Variants in BNC2 observed in about 807,000 individuals in gnomAD.
BNC2 encodes basonuclin zinc finger protein 2.
Under a neutral mutation model 76.3 loss-of-function variants are expected in BNC2, and 20 were observed. The ratio of observed to expected loss-of-function variants is 0.26; its 90% confidence interval spans 0.18 to 0.38. The LOEUF (loss-of-function observed/expected upper bound fraction) is 0.38. BNC2 is among the 10% of genes least tolerant of loss of function. The pLI is 1.00. For missense variants in BNC2, 1,382 were observed against 1,399.8 expected (o/e 0.99, Z 0.20); for synonymous variants, 582 against 514.8 (o/e 1.13, Z -1.77).
intron 1 of BNC2, among the ~76,000 whole-genome samples, chr9:16,764,529 C>A (rs1322564955): frequency 6.6e-6 from 1 of 152,142 alleles, no homozygotes; most frequent in African/African-American, 2.4e-5. Context: ...AGTCAATATG[C>A]CATAAATTGT....
chr9:16,704,844 G>C (rs1024699362), intron 3 of BNC2: 2 of 152,582 alleles, frequency 1.3e-5, no homozygotes, highest in Non-Finnish European at 1.5e-5. Flanking sequence ...CTTGGGGAAG[G>C]GGGGACAGGG....
At chr9:16,731,569 CTGATGTTGA>C (rs1234463289) in intron 2 of BNC2, among the ~76,000 whole-genome samples, 1 of 152,146 alleles carries the variant, frequency 6.6e-6, no homozygotes, top group East Asian at 1.9e-4. Flanking sequence ...AAAGTGACTT[CTGATGTTGA>C]TGATGTTTTA....
Position 16,606,702 on chromosome 9 carries a change from C to T in BNC2, c.331-23617G>A, listed in dbSNP as rs1251696305. Among the ~76,000 whole-genome samples, 4 of 151,964 alleles carry T rather than the reference C, an allele frequency of 2.6e-5. No homozygotes were observed. In the East Asian group the frequency reaches 7.8e-4, roughly 29 times the overall value. On this transcript the variant is annotated intron_variant, in intron 3 of 6. Coordinates refer to ENST00000380672, the MANE Select transcript of BNC2 (RefSeq NM_017637.6). ...CCTCCCGAGTAGCTGGGATTATAGG[C>T]TCCCGCCACCATGCCCAGCTAACTT...
At chr9:16,601,797 C>T (rs1389911310) in intron 3 of BNC2, among the ~76,000 whole-genome samples, 4 of 152,146 alleles carry the variant, frequency 2.6e-5, no homozygotes, top group Admixed American at 1.3e-4. Flanking sequence ...TTTTTCAATA[C>T]GCATTTAGGA....
intron 6 of BNC2, among the ~76,000 whole-genome samples, chr9:16,426,018 A>AT (rs1163858320): frequency 2.0e-5 from 3 of 152,190 alleles, no homozygotes; most frequent in African/African-American, 7.2e-5. Context: ...GTAATGTGAG[A>AT]TGAGTGTTAC....
intron 1 of BNC2, among the ~76,000 whole-genome samples, chr9:16,828,768 C>T (rs1385765759): frequency 6.6e-6 from 1 of 152,204 alleles, no homozygotes; most frequent in South Asian, 2.1e-4. Context: ...CTATTTCTGT[C>T]ATGCAACTTG....
intron 3 of BNC2, among the ~76,000 whole-genome samples, chr9:16,697,018 C>A (rs1042732503): frequency 1.2e-4 from 19 of 152,222 alleles, no homozygotes; most frequent in African/African-American, 4.3e-4. Flanking sequence ...ATGACTCCAA[C>A]TAAGCAACCT....
chr9:16,522,131 T>G (rs372059642), intron 5 of BNC2, among the ~76,000 whole-genome samples: 28 of 152,130 alleles, frequency 1.8e-4, no homozygotes, highest in African/African-American at 5.8e-4. Flanking sequence ...CCACTACTCC[T>G]CCTTAGCTCC....
intron 5 of BNC2, among the ~76,000 whole-genome samples, chr9:16,446,297 A>C (rs1821230369): frequency 6.6e-6 from 1 of 151,706 alleles, no homozygotes; most frequent in African/African-American, 2.4e-5. Context: ...ACTACTAGCA[A>C]AAAAAAAGTA....
chr9:16,835,700 T>C (rs1199468882), intron 1 of BNC2, among the ~76,000 whole-genome samples: 3 of 152,130 alleles, frequency 2.0e-5, no homozygotes, highest in Admixed American at 6.5e-5. Context: ...AGACTCCCAT[T>C]TCAGAAAAAA....
Position 16,699,304 on chromosome 9 carries a change from G to C in BNC2, c.330+28493C>G, listed in dbSNP as rs926253463. Reference sequence around the variant, plus strand: ...AGGAGGAAGACAGGCCAACAGAATAGTCCCTTGATGGAAATGTATTAATTC... The same window carrying C: ...AGGAGGAAGACAGGCCAACAGAATACTCCCTTGATGGAAATGTATTAATTC... On this transcript the variant is annotated intron_variant, in intron 3 of 6. Transcript: ENST00000380672. 1.4e-4 allele frequency: 60 copies of C among 432,792 alleles called. 1 individual carries two copies. Among genetic ancestry groups the C allele is most frequent in the African/African-American group, 8.3e-5 (4 of 48,184 alleles). 26.8% of individuals were successfully genotyped at this position (432,792 alleles called of 1,614,324 possible).
chr9:16,542,930 CAGAT>C (rs755675016), intron 5 of BNC2, among the ~76,000 whole-genome samples: 64 of 152,266 alleles, frequency 4.2e-4, no homozygotes, highest in African/African-American at 1.5e-3. Context: ...TCAAAAGAAA[CAGAT>C]AGTAGACTAA....
At chr9:16,487,967 G>A (rs888165091) in intron 5 of BNC2, among the ~76,000 whole-genome samples, 2 of 152,220 alleles carry the variant, frequency 1.3e-5, no homozygotes, top group South Asian at 2.1e-4. Context: ...GCTCAATCCC[G>A]GAAAATATTC....
intron 4 of BNC2, among the ~76,000 whole-genome samples, chr9:16,563,750 C>A (rs1384419555): frequency 6.6e-6 from 1 of 152,096 alleles, no homozygotes; most frequent in Admixed American, 6.5e-5. Flanking sequence ...GATAGTGTAC[C>A]TTTTCTCTTT....
intron 3 of BNC2, among the ~76,000 whole-genome samples, chr9:16,648,223 C>T (rs9886876): frequency 6.6e-6 from 1 of 152,014 alleles, no homozygotes; most frequent in Non-Finnish European, 1.5e-5. Context: ...CTATGAAAAA[C>T]GAAAACTGCT....
intron 5 of BNC2, among the ~76,000 whole-genome samples, chr9:16,512,894 G>C (rs10118546): frequency 0.039 from 5,872 of 150,784 alleles, 282 homozygotes; most frequent in South Asian, 0.14. Flanking sequence ...CAAACACTTT[G>C]GGAGGCTGAG....
chr9:16,527,012 T>C (rs1334415282), intron 5 of BNC2, among the ~76,000 whole-genome samples: 2 of 152,168 alleles, frequency 1.3e-5, no homozygotes, highest in Non-Finnish European at 2.9e-5. Context: ...GAGACCTAAA[T>C]GCAGGTAGGA....
At chr9:16,667,074 TACACATAC>T (rs1822316733) in intron 3 of BNC2, among the ~76,000 whole-genome samples, 1 of 144,766 alleles carries the variant, frequency 6.9e-6, no homozygotes, top group African/African-American at 2.7e-5. Context: ...ATCACTCAGA[TACACATAC>T]ACACACACAC....
At chr9:16,813,068 G>A (rs1818092061) in intron 1 of BNC2, among the ~76,000 whole-genome samples, 1 of 151,936 alleles carries the variant, frequency 6.6e-6, no homozygotes, top group Admixed American at 6.6e-5. Flanking sequence ...AATTAGCCGG[G>A]CGTGGTGACG....
Sources: gnomAD v4.1 joint callset for allele counts (sites outside exome capture counted in the v4.1 genomes callset) on GRCh38, gnomAD v4.1.1 for gene constraint, MANE v1.5 for transcripts, NCBI Gene and HGNC (gene_info 2026-07-23, HGNC 2026-07-21) for gene names.